RICTOR: variants seen among roughly 807,000 people sequenced by gnomAD.
RICTOR encodes rapamycin-insensitive companion of mTOR.
Under a neutral mutation model 214.9 loss-of-function variants are expected in RICTOR, and 49 were observed. The ratio of observed to expected loss-of-function variants is 0.23; its 90% CI spans 0.18 to 0.29. The LOEUF is 0.29. Among genes scored for constraint, RICTOR ranks in the 10% least tolerant of loss-of-function variants. RICTOR has a pLI of 1.00. For missense variants in RICTOR, 1,625 were observed against 2,047.0 expected, an observed-to-expected ratio of 0.79 and a Z score of 3.98; for synonymous variants, 717 against 711.3, an observed-to-expected ratio of 1.01 and a Z score of -0.13.
Position 38,954,943 on chromosome 5 carries a change from GA to G in RICTOR, c.2610-83del, listed in dbSNP as rs1749127230. ...AACAAAAGAATTTTAATAAATGTTT[GA>G]TAAATAAAATTAGATACAACTCTCC... On this transcript the variant is annotated intron_variant, in intron 26 of 37. Coordinates refer to ENST00000357387, the MANE Select transcript of RICTOR (RefSeq NM_152756.5). The G allele has an allele frequency of 4.5e-6, 3 of 659,690 alleles. No homozygotes were observed. The East Asian group carries it at 9.0e-5, about 20-fold the overall frequency. The allele number at this position is 659,690 out of a possible 1,614,324, so 40.9% of individuals were successfully genotyped here.
intron 2 of RICTOR, among the ~76,000 whole-genome samples, chr5:39,034,274 T>C (rs1255291575): frequency 2.0e-5 from 3 of 152,254 alleles, no homozygotes; most frequent in Non-Finnish European, 4.4e-5. Context: ...GAAAGTGAGC[T>C]AGATGTAGTT....
Position 39,011,323 on chromosome 5 carries a change from T to C in RICTOR, c.196-7701A>G, listed in dbSNP as rs116114925. On this transcript the variant is annotated intron_variant, in intron 3 of 37. Transcript: ENST00000357387. Reference sequence around the variant, plus strand: ...CTCCATCTAGATTTCAGACGGTGTATGAAAATGCTTGCATGTCCAGGCAGA... The same window carrying C: ...CTCCATCTAGATTTCAGACGGTGTACGAAAATGCTTGCATGTCCAGGCAGA... 1.9e-3 allele frequency among the ~76,000 whole-genome samples: 293 copies of C among 152,242 alleles called. 1 individual carries two copies. The highest frequency in any genetic ancestry group is 0.01 in the Middle Eastern group (3 of 294).
At chr5:38,951,571 A>G (rs1748784884) in intron 30 of RICTOR, among the ~76,000 whole-genome samples, 1 of 151,986 alleles carries the variant, frequency 6.6e-6, no homozygotes, top group Non-Finnish European at 1.5e-5. Flanking sequence ...TACATAAAAT[A>G]TTGGCATATT....
chr5:39,034,874 G>A (rs551000272), intron 2 of RICTOR, among the ~76,000 whole-genome samples: 2 of 152,338 alleles, frequency 1.3e-5, no homozygotes, highest in East Asian at 1.9e-4. Context: ...GCCTCTGTAG[G>A]CTCCACCTCT....
At chr5:39,048,045 G>A (rs971454781) in intron 2 of RICTOR, among the ~76,000 whole-genome samples, 8 of 152,254 alleles carry the variant, frequency 5.3e-5, no homozygotes, top group African/African-American at 1.9e-4. Flanking sequence ...ATAAAAGACT[G>A]GTCATTTAGG....
Position 38,939,869 on chromosome 5 carries a change from T to C in RICTOR, c.*2435A>G, listed in dbSNP as rs567326492. On this transcript the variant is annotated 3_prime_UTR_variant, in exon 38 of 38. Transcript: ENST00000357387. ...CCTAACCTCTTCTGCTATAATTTAA[T>C]ATTTTTAAACACTTAAGTTAATCAC... 7 of 225,152 alleles carry C rather than the reference T, an allele frequency of 3.1e-5. No individual in the cohort carries two copies. The East Asian group carries it at 4.6e-4, about 15-fold the overall frequency. The allele number at this position is 225,152 out of a possible 1,614,324, so 13.9% of individuals were successfully genotyped here.
At chr5:39,001,260 T>C (rs1389060823) in intron 5 of RICTOR, among the ~76,000 whole-genome samples, 3 of 152,046 alleles carry the variant, frequency 2.0e-5, no homozygotes, top group East Asian at 1.9e-4. Context: ...CTAAAGAGGA[T>C]AGAGAACCCA....
At chr5:39,052,415 T>C (rs2150189290) in intron 2 of RICTOR, among the ~76,000 whole-genome samples, 1 of 152,268 alleles carries the variant, frequency 6.6e-6, no homozygotes, top group African/African-American at 2.4e-5. Flanking sequence ...GACATTGTTT[T>C]TGCAACCTAT....
At chr5:38,958,136 C>T (rs981333019) in intron 24 of RICTOR, among the ~76,000 whole-genome samples, 3 of 151,934 alleles carry the variant, frequency 2.0e-5, no homozygotes, top group Admixed American at 6.6e-5. Context: ...ACTTGGGAGG[C>T]TGAGGCAGGA....
At chr5:38,945,326 G>A (rs1334693316) in intron 34 of RICTOR, 165 bp downstream of exon 34, 5 of 622,736 alleles carry the variant, frequency 8.0e-6, no homozygotes, top group South Asian at 6.1e-5. Flanking sequence ...ACCTGGAACC[G>A]TGAGAGGATC....
intron 2 of RICTOR, among the ~76,000 whole-genome samples, chr5:39,069,808 C>T (rs1203478919): frequency 6.6e-6 from 1 of 152,094 alleles, no homozygotes; most frequent in African/African-American, 2.4e-5. Context: ...TGGTATATTC[C>T]CAAGAGAGCA....
At chr5:39,068,341 T>G (rs1008399871) in intron 2 of RICTOR, among the ~76,000 whole-genome samples, 1 of 151,964 alleles carries the variant, frequency 6.6e-6, no homozygotes, top group Non-Finnish European at 1.5e-5. Context: ...GGAATGGGGG[T>G]TGGTGCTTTA....
intron 3 of RICTOR, among the ~76,000 whole-genome samples, chr5:39,010,509 G>A (rs1351867031): frequency 6.6e-6 from 1 of 152,152 alleles, no homozygotes. Context: ...CAGTTAGAGG[G>A]CTCAGAAGAC....
At chr5:39,050,809 A>C (rs1757784187) in intron 2 of RICTOR, among the ~76,000 whole-genome samples, 4 of 152,194 alleles carry the variant, frequency 2.6e-5, no homozygotes, top group Admixed American at 2.0e-4. Context: ...CAAATGAAAT[A>C]AGATTGTCCC....
chr5:39,051,255 G>A (rs1757821205), intron 2 of RICTOR, among the ~76,000 whole-genome samples: 1 of 152,132 alleles, frequency 6.6e-6, no homozygotes, highest in East Asian at 1.9e-4. Flanking sequence ...ACTGTTATTT[G>A]TTTATTAACA....
intron 26 of RICTOR, 32 bp from the exon 27 acceptor site, chr5:38,954,893 T>A: frequency 9.5e-7 from 1 of 1,048,068 alleles, no homozygotes; most frequent in Non-Finnish European, 1.4e-6. Context: ...CTATATCTCT[T>A]GGCTAATTTA....
chr5:39,006,670 G>C (rs1236847007), intron 3 of RICTOR, among the ~76,000 whole-genome samples: 1 of 146,266 alleles, frequency 6.8e-6, no homozygotes, highest in African/African-American at 2.5e-5. Context: ...TTTTTCTTTA[G>C]AGGAAATAAG....
chr5:38,971,758 A>G, intron 11 of RICTOR, 119 bp downstream of exon 11: 1 of 610,166 alleles, frequency 1.6e-6, no homozygotes, highest in Non-Finnish European at 2.9e-6. Flanking sequence ...TATTTTAAAA[A>G]TATGATCTAG....
intron 2 of RICTOR, among the ~76,000 whole-genome samples, chr5:39,068,816 CAG>C (rs776637087): frequency 3.3e-5 from 5 of 152,160 alleles, no homozygotes; most frequent in Non-Finnish European, 7.3e-5. Flanking sequence ...GCTTGAATAA[CAG>C]AGGATGGCGG....
Sources: allele counts gnomAD v4.1 joint callset (sites outside exome capture counted in the v4.1 genomes callset), GRCh38; gene constraint gnomAD v4.1.1; transcripts MANE v1.5; gene names NCBI Gene and HGNC (gene_info 2026-07-23, HGNC 2026-07-21).